The following RALGAPA1 variants were observed in gnomAD, a reference collection of about 807,000 sequenced individuals.
The protein encoded by RALGAPA1 is Ral GTPase activating protein catalytic subunit alpha 1, also known as ral GTPase-activating protein subunit alpha-1.
Under a neutral mutation model 269.6 loss-of-function variants are expected in RALGAPA1, and 52 were observed. The ratio of observed to expected loss-of-function variants is 0.19; its 90% CI spans 0.15 to 0.24. The LOEUF is 0.24. Ranked by LOEUF, RALGAPA1 falls within the 10% of genes least tolerant of loss-of-function variation. The pLI is 1.00. For missense variants in RALGAPA1, 1,917 were observed against 3,013.9 expected, an observed-to-expected ratio of 0.64 and a Z score of 8.52; for synonymous variants, 817 against 1,008.3, an observed-to-expected ratio of 0.81 and a Z score of 3.60.
At chr14:35,614,955 A>G (rs1401341877) in intron 35 of RALGAPA1, among the ~76,000 whole-genome samples, 1 of 152,134 alleles carries the variant, frequency 6.6e-6, no homozygotes, top group Admixed American at 6.5e-5. Flanking sequence ...ATAAATCTTT[A>G]AAATGCAATA....
rs548475104 is a variant in RALGAPA1 at position 35,734,577 on chromosome 14, C to G, written c.1587+3936G>C. 3.9e-5 allele frequency among the ~76,000 whole-genome samples: 6 copies of G among 152,222 alleles called. No individual in the cohort carries two copies. In the East Asian group the frequency reaches 1.2e-3, roughly 29 times the overall value. ...CTCAAGATGGATTAAGGACTTAAATCTAAGACCTGAAACAATGAAAATTCT... is the reference window on the plus strand; with the variant it reads ...CTCAAGATGGATTAAGGACTTAAATGTAAGACCTGAAACAATGAAAATTCT... On this transcript the variant is annotated intron_variant, in intron 12 of 41. Coordinates refer to ENST00000680220, the MANE Select transcript of RALGAPA1 (RefSeq NM_001346249.2).
At chr14:35,763,879 A>G (rs2073930032) in intron 4 of RALGAPA1, among the ~76,000 whole-genome samples, 1 of 152,168 alleles carries the variant, frequency 6.6e-6, no homozygotes, top group South Asian at 2.1e-4. Context: ...AACAATTAAC[A>G]GTACTACCAG....
chr14:35,551,999 G>A (rs1480660198), intron 39 of RALGAPA1, among the ~76,000 whole-genome samples: 1 of 152,116 alleles, frequency 6.6e-6, no homozygotes, highest in Non-Finnish European at 1.5e-5. Flanking sequence ...TATTAGGTAA[G>A]TTTCCTTTTT....
intron 27 of RALGAPA1, 69 bp downstream of exon 27, chr14:35,664,573 A>C: frequency 7.9e-7 from 1 of 1,267,376 alleles, no homozygotes; most frequent in Non-Finnish European, 1.1e-6. Context: ...AAAGAATACA[A>C]ATTTTATTGC....
rs2066217953 is a variant in RALGAPA1, at chr14:35,688,863, C to G, written c.3548G>C (p.Gly1183Ala). The change falls in exon 18 of 42, where the codon GGC becomes GCC. Residue 1183 changes from glycine (G) to alanine (A), a missense_variant. Physicochemically the swap from Gly to Ala is moderately conservative, Grantham distance 60. This residue lies in a region of RALGAPA1 where 615 missense variants were observed against 790.0 expected (regional missense o/e 0.78). Transcript: ENST00000680220. ...PWKMRLRKLG[G>A]FSSGSSNSST... Reference sequence around the variant, plus strand: ...GCTATTGCTGCTACCACTACTAAAGCCACCGAGCTTCCGCAGTCTCATCTT... The same window carrying G: ...GCTATTGCTGCTACCACTACTAAAGGCACCGAGCTTCCGCAGTCTCATCTT... The G allele has an allele frequency of 1.6e-6, 2 of 1,285,694 alleles. No homozygotes were observed. The highest frequency in any genetic ancestry group is 2.0e-6 in the Non-Finnish European group (2 of 1,019,338). 79.6% of individuals were successfully genotyped at this position (1,285,694 alleles called of 1,614,324 possible).
chr14:35,762,005 A>G (rs1202593851), intron 5 of RALGAPA1, among the ~76,000 whole-genome samples: 1 of 152,228 alleles, frequency 6.6e-6, no homozygotes, highest in Non-Finnish European at 1.5e-5. Flanking sequence ...ACAATGGCAT[A>G]ATGAAAAAGA....
At chr14:35,686,242 C>A (rs992753454) in intron 19 of RALGAPA1, among the ~76,000 whole-genome samples, 4 of 151,636 alleles carry the variant, frequency 2.6e-5, no homozygotes, top group Admixed American at 2.6e-4. Context: ...GGGTAACCTA[C>A]GAGCAAAGAC....
At position 35,774,910 on chromosome 14, in the gene RALGAPA1, G is replaced by A. The variant is rs184742626; in HGVS notation, c.267+96C>T. 1.6e-3 allele frequency: 1,187 copies of A among 746,770 alleles called. 6 individuals carry two copies. The African/African-American group carries it at 0.017, about 11-fold the overall frequency. 46.3% of individuals were successfully genotyped at this position (746,770 alleles called of 1,614,324 possible). ...TCTTAGAAAGGCTGGCAAATTCAGA[G>A]TGTTTCATTACATGTTTTATAATTT... On this transcript the variant is annotated intron_variant, in intron 3 of 41. Transcript: ENST00000680220.
chr14:35,800,093 A>C (rs1000015403), intron 1 of RALGAPA1, among the ~76,000 whole-genome samples: 4 of 152,220 alleles, frequency 2.6e-5, no homozygotes, highest in Non-Finnish European at 5.9e-5. Context: ...TATGAAGTAA[A>C]TACTGATAGA....
At chr14:35,564,186 C>T (rs1013126971) in intron 39 of RALGAPA1, among the ~76,000 whole-genome samples, 1 of 152,278 alleles carries the variant, frequency 6.6e-6, no homozygotes, top group Middle Eastern at 3.4e-3. Context: ...TTAATCCTTA[C>T]ATCATCCTGA....
chr14:35,659,283 GT>G, intron 27 of RALGAPA1, 87 bp from the exon 28 acceptor site: 1 of 926,492 alleles, frequency 1.1e-6, no homozygotes, highest in Non-Finnish European at 1.7e-6. Context: ...TATTAAAGCA[GT>G]CTTTGTTCTC....
intron 16 of RALGAPA1, among the ~76,000 whole-genome samples, chr14:35,702,502 A>G (rs968481259): frequency 2.0e-5 from 3 of 152,102 alleles, no homozygotes; most frequent in African/African-American, 7.2e-5. Flanking sequence ...AAAATGTCAG[A>G]ATCTCACCCT....
intron 4 of RALGAPA1, chr14:35,765,881 T>C (rs993139615): frequency 1.1e-5 from 10 of 896,644 alleles, no homozygotes; most frequent in African/African-American, 1.0e-4. Flanking sequence ...GGAGCTCTAC[T>C]AATGGAAAAA....
intron 18 of RALGAPA1, 22 bp downstream of exon 18, chr14:35,688,437 T>A (rs1032389666): frequency 6.5e-7 from 1 of 1,535,996 alleles, no homozygotes; most frequent in Non-Finnish European, 8.7e-7. Context: ...CCTTTTGCGC[T>A]CTGCACACTG....
At chr14:35,805,312 T>A (rs1567272736) in intron 1 of RALGAPA1, among the ~76,000 whole-genome samples, 1 of 149,544 alleles carries the variant, frequency 6.7e-6, no homozygotes, top group Admixed American at 6.7e-5. Context: ...CTTGGTGGCG[T>A]GCGCCTGTAA....
intron 37 of RALGAPA1, among the ~76,000 whole-genome samples, chr14:35,578,334 G>A (rs761353807): frequency 1.2e-4 from 19 of 152,068 alleles, no homozygotes; most frequent in Non-Finnish European, 2.6e-4. Flanking sequence ...ATTAGGTTAC[G>A]CAATTACTTC....
intron 31 of RALGAPA1, among the ~76,000 whole-genome samples, chr14:35,636,375 C>T (rs1351172765): frequency 1.3e-5 from 2 of 152,132 alleles, no homozygotes. Context: ...AACTCTCCAA[C>T]TCAAGTAATT....
rs76904586 is a variant in RALGAPA1 at position 35,626,682 on chromosome 14, G to A, written c.6857+408C>T. On this transcript the variant is annotated intron_variant, in intron 34 of 41. Coordinates refer to ENST00000680220, the MANE Select transcript of RALGAPA1 (RefSeq NM_001346249.2). ...TATTGTAAGTTTTTAATAAGGTTTT[G>A]TAACATGCATCAGAAAACAAAATAA... Among the ~76,000 whole-genome samples, 795 of 152,088 alleles carry A rather than the reference G, an allele frequency of 5.2e-3. 10 individuals are homozygous for A. The highest frequency in any genetic ancestry group is 0.018 in the African/African-American group (741 of 41,508).
intron 18 of RALGAPA1, among the ~76,000 whole-genome samples, chr14:35,686,954 G>A (rs1300855406): frequency 6.6e-6 from 1 of 152,112 alleles, no homozygotes; most frequent in Non-Finnish European, 1.5e-5. Context: ...AAAGAAACTG[G>A]TATATTTATC....
Sources: allele counts gnomAD v4.1 joint callset (sites outside exome capture counted in the v4.1 genomes callset), GRCh38; gene constraint gnomAD v4.1.1; regional missense constraint gnomAD v4.1.1; transcripts MANE v1.5; gene names NCBI Gene and HGNC (gene_info 2026-07-23, HGNC 2026-07-21).